Variants in C2CD5 observed in about 807,000 individuals in gnomAD.
C2CD5 encodes C2 calcium dependent domain containing 5.
In C2CD5, 109 loss-of-function variants were observed where a neutral mutation model predicts 130.3. That is an observed-to-expected ratio of 0.84 (90% CI 0.72 to 0.98). C2CD5 has a LOEUF of 0.98. Among genes scored for constraint, C2CD5 ranks in the 50% least tolerant of loss-of-function variants. C2CD5 has a pLI of 0.00. For missense variants in C2CD5, 996 were observed against 1,261.8 expected (o/e 0.79, Z 3.19); for synonymous variants, 454 against 429.2 (o/e 1.06, Z -0.71).
intron 13 of C2CD5, 130 bp downstream of exon 13, chr12:22,484,567 C>T (rs902357177): frequency 2.3e-6 from 1 of 438,146 alleles, no homozygotes; most frequent in Non-Finnish European, 4.1e-6. Context: ...ATACAAAGTT[C>T]CAGCAGAATT....
chr12:22,536,435 T>C (rs1951821489), intron 2 of C2CD5, among the ~76,000 whole-genome samples: 1 of 152,198 alleles, frequency 6.6e-6, no homozygotes, highest in South Asian at 2.1e-4. Context: ...CTAGGTTTGC[T>C]ACCAGGAATT....
chr12:22,466,173 A>C (rs1391302220), intron 22 of C2CD5, among the ~76,000 whole-genome samples: 1 of 152,128 alleles, frequency 6.6e-6, no homozygotes, highest in African/African-American at 2.4e-5. Context: ...TGGAAATATT[A>C]ATAAACATAC....
At chr12:22,543,618 G>T (rs1045584668) in intron 2 of C2CD5, among the ~76,000 whole-genome samples, 2 of 152,232 alleles carry the variant, frequency 1.3e-5, no homozygotes, top group Non-Finnish European at 2.9e-5. Flanking sequence ...GTGTGTGTGT[G>T]TGTTTCAGTG....
chr12:22,484,432 G>A (rs376955758), intron 13 of C2CD5: 2 of 331,604 alleles, frequency 6.0e-6, no homozygotes, highest in East Asian at 9.8e-5. Context: ...CACATCCCTA[G>A]CCTTTGGCAG....
intron 2 of C2CD5, among the ~76,000 whole-genome samples, chr12:22,542,368 GCTTC>G (rs1952480095): frequency 6.6e-6 from 1 of 152,250 alleles, no homozygotes; most frequent in Admixed American, 6.5e-5. Context: ...CCTGCATTCA[GCTTC>G]CTTGTCGCTC....
intron 3 of C2CD5, among the ~76,000 whole-genome samples, chr12:22,533,115 T>A (rs902151534): frequency 6.6e-6 from 1 of 152,022 alleles, no homozygotes; most frequent in East Asian, 1.9e-4. Context: ...AGGGAAAACA[T>A]TGCTGGCACA....
rs542301017 is a variant in C2CD5 at position 22,532,482 on chromosome 12, G to A, written c.177+2776C>T. 3.8e-3 allele frequency among the ~76,000 whole-genome samples: 575 copies of A among 152,178 alleles called. 2 individuals carry two copies. The highest frequency in any genetic ancestry group is 6.6e-3 in the Non-Finnish European group (449 of 68,020). ...AACAGAGGCTCCAAATGGTAAGGCT[G>A]TCTGAGGTCATCTGCAAATTAGCAG... is the stretch of plus-strand genomic sequence containing the variant. On this transcript the variant is annotated intron_variant, in intron 3 of 26. Coordinates refer to ENST00000446597, the MANE Select transcript of C2CD5 (RefSeq NM_001286176.2).
intron 7 of C2CD5, among the ~76,000 whole-genome samples, chr12:22,522,852 CT>C (rs1475500327): frequency 6.6e-6 from 1 of 152,040 alleles, no homozygotes; most frequent in East Asian, 1.9e-4. Context: ...TCATTTTATG[CT>C]TTATATATGC....
chr12:22,470,668 T>C (rs2136166495), intron 21 of C2CD5, among the ~76,000 whole-genome samples, 156 bp downstream of exon 21: 1 of 152,226 alleles, frequency 6.6e-6, no homozygotes, highest in East Asian at 1.9e-4. Context: ...GCCATACGCT[T>C]ATCCACACAG....
chr12:22,471,262 A>G, intron 20 of C2CD5, 137 bp downstream of exon 20: 1 of 610,970 alleles, frequency 1.6e-6, no homozygotes, highest in Non-Finnish European at 2.9e-6. Context: ...GGCCTAATGC[A>G]TACTAACATA....
At chr12:22,466,930 G>C (rs1298302008) in intron 22 of C2CD5, among the ~76,000 whole-genome samples, 1 of 152,144 alleles carries the variant, frequency 6.6e-6, no homozygotes, top group Non-Finnish European at 1.5e-5. Context: ...AACTCTTTGA[G>C]ACCCTTTCTT....
chr12:22,525,821 T>G, intron 4 of C2CD5, 116 bp from the exon 5 acceptor site: 2 of 667,542 alleles, frequency 3.0e-6, no homozygotes, highest in Non-Finnish European at 5.3e-6. Flanking sequence ...AACTCACAAT[T>G]TTTTGAACTT....
intron 2 of C2CD5, among the ~76,000 whole-genome samples, chr12:22,542,177 T>A (rs1483322959): frequency 3.9e-5 from 6 of 152,216 alleles, no homozygotes; most frequent in South Asian, 2.1e-4. Flanking sequence ...ATCAATAGCA[T>A]CCCCATTCAG....
intron 7 of C2CD5, among the ~76,000 whole-genome samples, chr12:22,521,873 G>A (rs907451243): frequency 9.2e-5 from 14 of 152,006 alleles, no homozygotes; most frequent in Admixed American, 7.2e-4. Flanking sequence ...TAAAAAAGAT[G>A]GTGAAAAAAC....
intron 3 of C2CD5, among the ~76,000 whole-genome samples, chr12:22,531,713 C>T (rs10505883): frequency 0.16 from 23,944 of 152,088 alleles, 3,796 homozygotes; most frequent in African/African-American, 0.41. Flanking sequence ...GTCCTTTTGA[C>T]AGAAGACTGA....
At chr12:22,485,370 A>C (rs530140107) in intron 12 of C2CD5, among the ~76,000 whole-genome samples, 15 of 152,112 alleles carry the variant, frequency 9.9e-5, no homozygotes, top group African/African-American at 3.6e-4. Flanking sequence ...AATAGAAAGA[A>C]TGAATAAGAC....
chr12:22,520,465 TAGG>T (rs1039777577), intron 7 of C2CD5, among the ~76,000 whole-genome samples: 1 of 152,168 alleles, frequency 6.6e-6, no homozygotes, highest in African/African-American at 2.4e-5. Context: ...GATTTTGCAA[TAGG>T]AGAACTGTTT....
At chr12:22,481,672 T>TTTG (rs1944729979) in intron 14 of C2CD5, among the ~76,000 whole-genome samples, 1 of 143,206 alleles carries the variant, frequency 7.0e-6, no homozygotes, top group African/African-American at 2.5e-5. Flanking sequence ...TTTTTTTTTT[T>TTTG]GAGACAGAGC....
At chr12:22,536,489 TA>T (rs1395326648) in intron 2 of C2CD5, among the ~76,000 whole-genome samples, 2 of 152,134 alleles carry the variant, frequency 1.3e-5, no homozygotes, top group Non-Finnish European at 2.9e-5. Context: ...CCACCAAAAA[TA>T]TAGTCATTCA....
Sources: allele counts gnomAD v4.1 joint callset (sites outside exome capture counted in the v4.1 genomes callset), GRCh38; gene constraint gnomAD v4.1.1; transcripts MANE v1.5; gene names NCBI Gene and HGNC (gene_info 2026-07-23, HGNC 2026-07-21).